TTC27: variants seen among roughly 807,000 people sequenced by gnomAD.
TTC27 encodes tetratricopeptide repeat protein 27.
TTC27 carries 79 observed loss-of-function variants against 115.9 expected under a neutral mutation model. The observed-to-expected ratio is 0.68, with a 90% CI of 0.57 to 0.82. The LOEUF (loss-of-function observed/expected upper bound fraction) is 0.82. Among genes scored for constraint, TTC27 ranks in the 40% least tolerant of loss-of-function variants. The pLI, the probability that TTC27 is intolerant of heterozygous loss-of-function variation, is 0.00. For missense variants in TTC27, 1,054 were observed against 993.1 expected, an observed-to-expected ratio of 1.06 and a Z score of -0.82; for synonymous variants, 401 against 356.0, an observed-to-expected ratio of 1.13 and a Z score of -1.42.
At chr2:32,820,337 C>T (rs552588518) in intron 19 of TTC27, among the ~76,000 whole-genome samples, 78 of 152,270 alleles carry the variant, frequency 5.1e-4, no homozygotes, top group African/African-American at 1.7e-3. Flanking sequence ...GGAGAGGACA[C>T]AGTTATTTTT....
chr2:32,689,324 C>T (rs1666738235), intron 9 of TTC27, among the ~76,000 whole-genome samples: 1 of 152,076 alleles, frequency 6.6e-6, no homozygotes, highest in Admixed American at 6.6e-5. Flanking sequence ...ATATACTTCA[C>T]TAAAGGGAAG....
At chr2:32,769,746 A>G (rs766618972) in intron 13 of TTC27, among the ~76,000 whole-genome samples, 7 of 152,232 alleles carry the variant, frequency 4.6e-5, no homozygotes, top group African/African-American at 7.2e-5. Context: ...ATTTCTATTC[A>G]TTAAGCATCT....
chr2:32,796,733 T>G (rs1432750102), intron 16 of TTC27, among the ~76,000 whole-genome samples: 1 of 152,214 alleles, frequency 6.6e-6, no homozygotes, highest in Non-Finnish European at 1.5e-5. Flanking sequence ...GGACTCATGC[T>G]TCCTGATTTC....
chr2:32,666,653 C>A lies in TTC27; in HGVS notation c.824C>A (p.Thr275Lys). The A allele has an allele frequency of 6.2e-7, 1 of 1,613,684 alleles. No individual in the cohort carries two copies. ...IDLTGALGKR[T>K]RFQENYVAQL... is the part of the protein sequence containing the mutation. Reference sequence around the variant, plus strand: ...TTTTCAGGTGCTTTGGGAAAAAGAACACGGTTCCAGGAAAATTATGTGGCA... The same window carrying A: ...TTTTCAGGTGCTTTGGGAAAAAGAAAACGGTTCCAGGAAAATTATGTGGCA... Residue 275 changes from threonine (T) to lysine (K), a missense_variant, in exon 7 of 20, where the codon ACA becomes AAA. Transcript: ENST00000317907.
intron 13 of TTC27, among the ~76,000 whole-genome samples, chr2:32,769,807 T>C (rs7558757): frequency 0.11 from 16,465 of 152,266 alleles, 1,026 homozygotes; most frequent in Middle Eastern, 0.18. Flanking sequence ...CATTGAGGTA[T>C]TGAGGGGGAT....
At chr2:32,730,762 C>A (rs927055946) in intron 10 of TTC27, among the ~76,000 whole-genome samples, 1 of 151,796 alleles carries the variant, frequency 6.6e-6, no homozygotes, top group Non-Finnish European at 1.5e-5. Context: ...GCTGGGATTA[C>A]AGGCCTGCGC....
intron 5 of TTC27, among the ~76,000 whole-genome samples, chr2:32,659,616 C>T (rs561236392): frequency 7.7e-6 from 1 of 129,746 alleles, no homozygotes; most frequent in South Asian, 2.4e-4. Flanking sequence ...ATGCACGTGC[C>T]ATGGTGGTTT....
intron 5 of TTC27, among the ~76,000 whole-genome samples, chr2:32,656,043 AAC>A (rs1665302656): frequency 6.6e-6 from 1 of 152,180 alleles, no homozygotes; most frequent in East Asian, 1.9e-4. Flanking sequence ...TGCATTGAAC[AAC>A]ACTGCTATTG....
intron 10 of TTC27, among the ~76,000 whole-genome samples, chr2:32,712,636 C>T (rs1023362390): frequency 1.1e-4 from 17 of 151,618 alleles, no homozygotes; most frequent in African/African-American, 3.9e-4. Flanking sequence ...CTCGGGACTG[C>T]GATCTCCACC....
chr2:32,753,076 C>T (rs6746224), intron 12 of TTC27, among the ~76,000 whole-genome samples: 1 of 152,038 alleles, frequency 6.6e-6, no homozygotes, highest in African/African-American at 2.4e-5. Context: ...TCAGATGGTG[C>T]TGGGTCTCGG....
chr2:32,669,984 G>A (rs1665950540), intron 7 of TTC27, among the ~76,000 whole-genome samples: 2 of 150,124 alleles, frequency 1.3e-5, no homozygotes, highest in Admixed American at 1.3e-4. Flanking sequence ...GTCTCATTCT[G>A]TAGCCTGCCT....
intron 5 of TTC27, among the ~76,000 whole-genome samples, chr2:32,660,001 A>C (rs949865866): frequency 6.6e-6 from 1 of 152,128 alleles, no homozygotes; most frequent in Admixed American, 6.6e-5. Flanking sequence ...TTTATAGCAG[A>C]ATGATTTATA....
At chr2:32,772,197 T>G (rs1669851410) in intron 13 of TTC27, among the ~76,000 whole-genome samples, 1 of 152,224 alleles carries the variant, frequency 6.6e-6, no homozygotes, top group Non-Finnish European at 1.5e-5. Flanking sequence ...TTATTTTAAT[T>G]ATTAAGGTTT....
intron 9 of TTC27, among the ~76,000 whole-genome samples, chr2:32,687,781 T>C (rs1208096628): frequency 6.6e-6 from 1 of 152,196 alleles, no homozygotes; most frequent in East Asian, 1.9e-4. Flanking sequence ...TGTATGTATC[T>C]AATAATGGCT....
Position 32,761,819 on chromosome 2 carries a change from G to A in TTC27, c.1680+3300G>A, listed in dbSNP as rs1572588133. Among the ~76,000 whole-genome samples, 6 of 151,726 alleles carry A rather than the reference G, an allele frequency of 4.0e-5. No individual in the cohort carries two copies. The South Asian group carries it at 1.2e-3, about 32-fold the overall frequency. ...TACTTTTTTAAAAAAGTTCTGTTTTGTCTTCACTAGAATGTAAGGCCTATT... is the reference window on the plus strand; with the variant it reads ...TACTTTTTTAAAAAAGTTCTGTTTTATCTTCACTAGAATGTAAGGCCTATT... On this transcript the variant is annotated intron_variant, in intron 13 of 19. Coordinates refer to ENST00000317907, the MANE Select transcript of TTC27 (RefSeq NM_017735.5).
At chr2:32,668,012 C>T (rs113067538) in intron 7 of TTC27, among the ~76,000 whole-genome samples, 5 of 150,870 alleles carry the variant, frequency 3.3e-5, no homozygotes, top group Non-Finnish European at 4.4e-5. Context: ...GGTGAAACCC[C>T]GTCTCTATTA....
chr2:32,682,668 C>CTTTTT (rs3077159), intron 9 of TTC27, among the ~76,000 whole-genome samples: 1 of 127,538 alleles, frequency 7.8e-6, no homozygotes, highest in South Asian at 2.6e-4. Flanking sequence ...TAATAGAAGT[C>CTTTTT]TTTTTTTTTT....
At chr2:32,754,816 C>CG (rs565561572) in intron 12 of TTC27, among the ~76,000 whole-genome samples, 19,559 of 104,482 alleles carry the variant, frequency 0.19, 2,133 homozygotes, top group East Asian at 0.37. Flanking sequence ...GCTGGCTGGG[C>CG]GGGGGGGCTG....
chr2:32,696,342 T>G (rs1249247943), intron 9 of TTC27, among the ~76,000 whole-genome samples: 1 of 151,602 alleles, frequency 6.6e-6, no homozygotes, highest in Non-Finnish European at 1.5e-5. Flanking sequence ...CAGACTGGAG[T>G]GCAGTGGTGC....
Sources: gnomAD v4.1 joint callset for allele counts (sites outside exome capture counted in the v4.1 genomes callset) on GRCh38, gnomAD v4.1.1 for gene constraint, MANE v1.5 for transcripts, NCBI Gene and HGNC (gene_info 2026-07-23, HGNC 2026-07-21) for gene names.